The following ZFYVE9 variants were observed in gnomAD, a reference collection of about 807,000 sequenced individuals.
The protein encoded by ZFYVE9 is zinc finger FYVE domain-containing protein 9.
In ZFYVE9, 43 loss-of-function variants were observed where a neutral mutation model predicts 126.7. The ratio of observed to expected loss-of-function variants is 0.34; its 90% CI spans 0.27 to 0.44. ZFYVE9 has a LOEUF of 0.44. ZFYVE9 is among the 20% of genes least tolerant of loss of function. The pLI, the probability that ZFYVE9 is intolerant of heterozygous loss-of-function variation, is 1.00. For synonymous variants in ZFYVE9, 521 were observed against 597.4 expected, an observed-to-expected ratio of 0.87 and a Z score of 1.87; for missense variants, 1,476 against 1,697.0, an observed-to-expected ratio of 0.87 and a Z score of 2.29.
In ZFYVE9 at chr1:52,242,554, T is replaced by G. The variant is rs940261360; in HGVS notation, c.2178+2959T>G. 5.3e-5 allele frequency among the ~76,000 whole-genome samples: 8 copies of G among 151,938 alleles called. No individual in the cohort carries two copies. The East Asian group carries it at 1.5e-3, about 29-fold the overall frequency. ...AATGCAGCAGTACTTTTTTTTTTTT[T>G]AAATCCAGTGCCTTCAATCTTTAGA... On this transcript the variant is annotated intron_variant, in intron 4 of 18. Coordinates refer to ENST00000287727, the MANE Select transcript of ZFYVE9 (RefSeq NM_004799.4).
intron 11 of ZFYVE9, among the ~76,000 whole-genome samples, 169 bp downstream of exon 11, chr1:52,293,846 A>C (rs1347117747): frequency 6.6e-6 from 1 of 152,238 alleles, no homozygotes; most frequent in African/African-American, 2.4e-5. Flanking sequence ...CACTGAAAAT[A>C]ACGAATGAGG....
At chr1:52,323,815 T>C (rs767969078) in intron 13 of ZFYVE9, among the ~76,000 whole-genome samples, 22 of 148,754 alleles carry the variant, frequency 1.5e-4, no homozygotes, top group Non-Finnish European at 2.8e-4. Context: ...TTCGGGAGGC[T>C]GAGGCAGGAG....
chr1:52,157,849 C>A (rs1220015823), intron 1 of ZFYVE9, among the ~76,000 whole-genome samples: 1 of 152,120 alleles, frequency 6.6e-6, no homozygotes, highest in Non-Finnish European at 1.5e-5. Context: ...TATCAATGAG[C>A]CTTTCCTTTA....
Position 52,142,798 on chromosome 1 carries a change from C to G in ZFYVE9, c.-143+395C>G, listed in dbSNP as rs564083727. Among the ~76,000 whole-genome samples the G allele has an allele frequency of 6.6e-6, 1 of 152,326 alleles. No individual in the cohort carries two copies. The highest frequency in any genetic ancestry group is 1.5e-5 in the Non-Finnish European group (1 of 68,024). On this transcript the variant is annotated intron_variant, in intron 1 of 18. Transcript: ENST00000287727. The surrounding 1 kb of genome is among the most constrained non-coding windows in gnomAD (Gnocchi z 4.5). ...CAAACAAGCTTTGGCTTCCACGCGT[C>G]CCATACCGAGTCCCTCAGAATCCCG...
rs1224407806 is a variant in ZFYVE9, at chr1:52,278,628, T to G, written c.2869+14T>G. 2.7e-6 allele frequency: 4 copies of G among 1,495,132 alleles called. No individual in the cohort carries two copies. The Admixed American group carries it at 8.0e-5, about 30-fold the overall frequency. 92.6% of individuals were successfully genotyped at this position (1,495,132 alleles called of 1,614,324 possible). On this transcript the variant is annotated intron_variant, in intron 9 of 18. Transcript: ENST00000287727. ...AAATTGTAAATTGTAAGTTATAAAT[T>G]TTTAAAAATTAAAATCAGATGTTTT... is the stretch of plus-strand genomic sequence containing the variant.
intron 5 of ZFYVE9, among the ~76,000 whole-genome samples, chr1:52,266,284 A>G (rs1274388162): frequency 1.3e-5 from 2 of 151,556 alleles, no homozygotes; most frequent in Non-Finnish European, 2.9e-5. Flanking sequence ...TTTTTAGTAG[A>G]GACGGGGTTT....
At chr1:52,248,735 C>T (rs766432159) in intron 4 of ZFYVE9, among the ~76,000 whole-genome samples, 23 of 152,316 alleles carry the variant, frequency 1.5e-4, no homozygotes, top group Non-Finnish European at 2.8e-4. Flanking sequence ...CATGGGTGTA[C>T]AAGCATCTGT....
At chr1:52,253,963 G>C (rs1645477844) in intron 4 of ZFYVE9, 1 of 832,628 alleles carries the variant, frequency 1.2e-6, no homozygotes, top group Non-Finnish European at 2.1e-6. Context: ...TGAATTGGTG[G>C]AACCAAGTGG....
At chr1:52,300,761 G>A (rs1646025319) in intron 12 of ZFYVE9, among the ~76,000 whole-genome samples, 1 of 151,020 alleles carries the variant, frequency 6.6e-6, no homozygotes. Flanking sequence ...AATTATTTTA[G>A]CTTTTGTATT....
chr1:52,344,750 C>G lies in ZFYVE9; in HGVS notation c.3940-18C>G. 1 of 1,611,748 alleles carries G rather than the reference C, an allele frequency of 6.2e-7. No homozygotes were observed. Among genetic ancestry groups the G allele is most frequent in the Non-Finnish European group, 8.5e-7 (1 of 1,178,214 alleles). On this transcript the variant is annotated intron_variant, in intron 17 of 18. Coordinates refer to ENST00000287727, the MANE Select transcript of ZFYVE9 (RefSeq NM_004799.4). ...AATCTAGGCACAAGTTTAAAAGTCT[C>G]TTTTGTTTGGGGAACAGGTGTTTTT... is the stretch of plus-strand genomic sequence containing the variant.
Position 52,238,839 on chromosome 1 carries a change from A to G in ZFYVE9, c.1422A>G (p.Leu474=), listed in dbSNP as rs763622237. ...TVIDTPAANY[L]SNGCDSYGMQ... ...TAGACACACCAGCAGCAAATTATCT[A>G]TCTAATGGTTGTGATTCCTATGGAA... Residue 474 remains leucine (L), a synonymous_variant, in exon 4 of 19, where the codon CTA becomes CTG. Transcript: ENST00000287727. 11 of 1,613,996 alleles carry G rather than the reference A, an allele frequency of 6.8e-6. No homozygotes were observed. Among genetic ancestry groups the G allele is most frequent in the East Asian group, 4.5e-5 (2 of 44,884 alleles).
chr1:52,235,735 A>G (rs1645267575), intron 3 of ZFYVE9, among the ~76,000 whole-genome samples: 1 of 152,034 alleles, frequency 6.6e-6, no homozygotes, highest in Non-Finnish European at 1.5e-5. Flanking sequence ...CTATTTATTA[A>G]TGCTTTCTTT....
chr1:52,224,071 AAAGCC>A (rs1440586372), intron 2 of ZFYVE9, among the ~76,000 whole-genome samples: 2 of 152,164 alleles, frequency 1.3e-5, no homozygotes, highest in African/African-American at 4.8e-5. Flanking sequence ...GGGCATTTAC[AAAGCC>A]AATATCCCCT....
At position 52,238,103 on chromosome 1, in the gene ZFYVE9, T is replaced by C; in HGVS notation, c.686T>C (p.Leu229Pro). 1.2e-6 allele frequency: 2 copies of C among 1,614,092 alleles called. No homozygotes were observed. The highest frequency in any genetic ancestry group is 1.7e-6 in the Non-Finnish European group (2 of 1,179,970). ...ACAGAGGGGAGATCTGTTAACCATCTGTGTCCTACTTCATCTGATAGTCTA... is the reference window on the plus strand; with the variant it reads ...ACAGAGGGGAGATCTGTTAACCATCCGTGTCCTACTTCATCTGATAGTCTA... ...PKTEGRSVNH[L>P]CPTSSDSLAS... The change falls in exon 4 of 19, where the codon CTG becomes CCG. Residue 229 changes from leucine (L) to proline (P), a missense_variant. Leu to Pro is a moderately conservative substitution (Grantham distance 98). This residue lies in a region of ZFYVE9 where 807 missense variants were observed against 794.6 expected (regional missense o/e 1.02). Transcript: ENST00000287727.
At chr1:52,315,191 G>A (rs1442125030) in intron 13 of ZFYVE9, among the ~76,000 whole-genome samples, 1 of 152,172 alleles carries the variant, frequency 6.6e-6, no homozygotes, top group Admixed American at 6.5e-5. Context: ...CACTTTGAGG[G>A]GCTGAGGTGG....
intron 4 of ZFYVE9, among the ~76,000 whole-genome samples, chr1:52,251,432 C>A (rs747921125): frequency 2.6e-5 from 4 of 151,680 alleles, no homozygotes; most frequent in Admixed American, 2.0e-4. Flanking sequence ...TTGTTAAATG[C>A]TTTTTCTGTA....
intron 13 of ZFYVE9, among the ~76,000 whole-genome samples, chr1:52,324,510 T>G (rs1408428742): frequency 6.6e-6 from 1 of 152,234 alleles, no homozygotes; most frequent in Non-Finnish European, 1.5e-5. Context: ...GTTCCTCACT[T>G]ATGCTGTTTC....
chr1:52,227,493 T>C (rs565713473), intron 2 of ZFYVE9, among the ~76,000 whole-genome samples: 2 of 152,244 alleles, frequency 1.3e-5, no homozygotes, highest in East Asian at 3.8e-4. Context: ...TGCAGCTGTG[T>C]ATTCACCATC....
chr1:52,222,925 A>G (rs1295884427), intron 2 of ZFYVE9, among the ~76,000 whole-genome samples: 3 of 152,148 alleles, frequency 2.0e-5, no homozygotes, highest in African/African-American at 7.2e-5. Flanking sequence ...TGGCCGACTT[A>G]TTCTTATATT....
Sources: allele counts gnomAD v4.1 joint callset (sites outside exome capture counted in the v4.1 genomes callset), GRCh38; gene constraint gnomAD v4.1.1; regional missense constraint gnomAD v4.1.1; non-coding constraint Gnocchi (gnomAD v3.1); transcripts MANE v1.5; gene names NCBI Gene and HGNC (gene_info 2026-07-23, HGNC 2026-07-21).